Variants in SIX2 observed in about 807,000 individuals in gnomAD.
SIX2 encodes SIX homeobox 2.
A neutral mutation model predicts 22.8 loss-of-function variants in SIX2; 20 were observed. The ratio of observed to expected loss-of-function variants is 0.88; its 90% CI spans 0.62 to 1.28. SIX2 has a LOEUF of 1.28. Ranked by LOEUF, SIX2 falls within the 50% of genes most tolerant of loss-of-function variation. SIX2 has a pLI of 0.00. For synonymous variants in SIX2, 195 were observed against 186.4 expected, an observed-to-expected ratio of 1.05 and a Z score of -0.37; for missense variants, 360 against 400.0, an observed-to-expected ratio of 0.90 and a Z score of 0.85.
At position 45,006,280 on chromosome 2, in the gene SIX2, G is replaced by C; in HGVS notation, c.766C>G (p.Pro256Ala). The change falls in exon 2 of 2, where the codon CCA becomes GCA. Residue 256 changes from proline (P) to alanine (A), a missense_variant. Pro to Ala is a conservative substitution (Grantham distance 27). Transcript: ENST00000303077. This position sits in a 1 kb window ranked among gnomAD's most constrained non-coding sequence, Gnocchi z 4.2. Reference protein sequence around the residue: ...LGHPPGPSAVPVPVPGGGGAD... With the variant: ...LGHPPGPSAVAVPVPGGGGAD... ...CCACCTCCGCCTGGCACCGGCACTG[G>C]CACTGCGCTGGGGCCCGGAGGGTGG... The C allele has an allele frequency of 1.2e-6, 2 of 1,614,138 alleles. No individual in the cohort carries two copies. Among genetic ancestry groups the C allele is most frequent in the South Asian group, 1.1e-5 (1 of 91,086 alleles).
At position 45,008,739 on chromosome 2, in the gene SIX2, G is replaced by T. The variant is rs554460571; in HGVS notation, c.372C>A (p.Gly124=). The T allele has an allele frequency of 3.1e-6, 5 of 1,614,014 alleles. No homozygotes were observed. In the African/African-American group the frequency reaches 6.7e-5, roughly 21 times the overall value. ...KFPLPRSIWD[G]EETSYCFKEK... ...CCTTGAAGCAGTAGCTGGTCTCCTC[G>T]CCGTCCCAGATGGAGCGCGGCAGCG... Residue 124 remains glycine, a synonymous_variant, in exon 1 of 2, where the codon GGC becomes GGA. Coordinates refer to ENST00000303077, the MANE Select transcript of SIX2 (RefSeq NM_016932.5).
rs1667753021 is a variant in SIX2, at chr2:45,006,242, C to G, written c.804G>C (p.Leu268=). The G allele has an allele frequency of 5.0e-6, 8 of 1,614,232 alleles. No individual in the cohort carries two copies. Among genetic ancestry groups the G allele is most frequent in the Non-Finnish European group, 6.8e-6 (8 of 1,180,032 alleles). Residue 268 remains leucine, a synonymous_variant, in exon 2 of 2, where the codon CTG becomes CTC. Transcript: ENST00000303077. This position sits in a 1 kb window ranked among gnomAD's most constrained non-coding sequence, Gnocchi z 4.2. ...PVPGGGGADP[L]QHHHGLQDSI... ...AGTCCTGCAGGCCATGGTGGTGTTG[C>G]AGTGGGTCCGCTCCACCTCCGCCTG...
Position 45,006,617 on chromosome 2 carries a change from G to A in SIX2, c.561-132C>T, listed in dbSNP as rs1393396300. On this transcript the variant is annotated intron_variant, in intron 1 of 1. Transcript: ENST00000303077. This position sits in a 1 kb window ranked among gnomAD's most constrained non-coding sequence, Gnocchi z 4.2. ...GGGCTTGTGGCCTGCGGGTGTTTTCGGTTTCTACCATTTCCTCGACCTGGT... is the reference window on the plus strand; with the variant it reads ...GGGCTTGTGGCCTGCGGGTGTTTTCAGTTTCTACCATTTCCTCGACCTGGT... 3 of 865,296 alleles carry A rather than the reference G, an allele frequency of 3.5e-6. No homozygotes were observed. Among genetic ancestry groups the A allele is most frequent in the Admixed American group, 1.9e-5 (1 of 53,820 alleles). 53.6% of individuals were successfully genotyped at this position (865,296 alleles called of 1,614,324 possible).
At position 45,006,447 on chromosome 2, in the gene SIX2, G is replaced by C. The variant is rs768678682; in HGVS notation, c.599C>G (p.Pro200Arg). Residue 200 changes from proline (P) to arginine (R), a missense_variant, in exon 2 of 2, where the codon CCG (proline) becomes CGG (arginine). By Grantham distance (103) the Pro-to-Arg change is moderately radical. Around this residue, in one of 3 missense-constraint regions of SIX2, gnomAD observed 235 missense variants for 231.9 expected, o/e 1.01. Transcript: ENST00000303077. This position sits in a 1 kb window ranked among gnomAD's most constrained non-coding sequence, Gnocchi z 4.2. Reference protein sequence around the residue: ...NENSNSNSHNPLNGSGKSVLG... With the variant: ...NENSNSNSHNRLNGSGKSVLG... ...CACCGACTTGCCGCTGCCATTCAGC[G>C]GGTTGTGGCTGTTAGAATTGGAGTT... 8 of 1,613,954 alleles carry C rather than the reference G, an allele frequency of 5.0e-6. No individual in the cohort carries two copies. In the East Asian group the frequency reaches 1.8e-4, roughly 36 times the overall value.
In SIX2 at chr2:45,006,033, C is replaced by T; in HGVS notation, c.*137G>A. 2 of 892,374 alleles carry T rather than the reference C, an allele frequency of 2.2e-6. No individual in the cohort carries two copies. Among genetic ancestry groups the T allele is most frequent in the Non-Finnish European group, 3.8e-6 (2 of 526,290 alleles). 55.3% of individuals were successfully genotyped at this position (892,374 alleles called of 1,614,324 possible). Reference sequence around the variant, plus strand: ...CCAACATAGACAGCTATCTGCCCTACCCGGCTGTTCTACCCGCTCAGCCTG... The same window carrying T: ...CCAACATAGACAGCTATCTGCCCTATCCGGCTGTTCTACCCGCTCAGCCTG... On this transcript the variant is annotated 3_prime_UTR_variant, in exon 2 of 2. Transcript: ENST00000303077. The surrounding 1 kb of genome is among the most constrained non-coding windows in gnomAD (Gnocchi z 4.2).
rs1312147103 is a variant in SIX2, at chr2:45,006,660, C to T, written c.561-175G>A. ...GACCTGGTCTGGGTTCTCCTTTCTG[C>T]CCGTTCTCTCCATCTCTCAACACCC... On this transcript the variant is annotated intron_variant, in intron 1 of 1. Transcript: ENST00000303077. This position sits in a 1 kb window ranked among gnomAD's most constrained non-coding sequence, Gnocchi z 4.2. Among the ~76,000 whole-genome samples the T allele has an allele frequency of 6.6e-6, 1 of 152,166 alleles. No homozygotes were observed. The highest frequency in any genetic ancestry group is 1.5e-5 in the Non-Finnish European group (1 of 68,034).
chr2:45,008,448 T>A, intron 1 of SIX2, 103 bp downstream of exon 1: 1 of 1,286,758 alleles, frequency 7.8e-7, no homozygotes, highest in Admixed American at 1.7e-5. Context: ...TGGCCGGGCC[T>A]GGGGGCCCAG....
In SIX2 at chr2:45,009,393, C is replaced by G. The variant is rs1318887551; in HGVS notation, c.-283G>C. The G allele has an allele frequency of 6.0e-6, 1 of 166,096 alleles. No individual in the cohort carries two copies. The allele number at this position is 166,096 out of a possible 1,614,324, so 10.3% of individuals were successfully genotyped here. ...CTCCGCATGCTCCGCGCCCGCCCGC[C>G]GTTCCCTCGCTCGCTTCTCACTCGT... On this transcript the variant is annotated 5_prime_UTR_variant, in exon 1 of 2. Transcript: ENST00000303077.
chr2:45,009,139 G>A lies in SIX2; in HGVS notation c.-29C>T, dbSNP rs969590576. ...GCCGGCTGCGTCCCCGCCCGCCCGC[G>A]CGCGCCCTCACCGGGCCGCGCGGTC... On this transcript the variant is annotated 5_prime_UTR_variant, in exon 1 of 2. Transcript: ENST00000303077. 17 of 1,515,956 alleles carry A rather than the reference G, an allele frequency of 1.1e-5. No homozygotes were observed. In the African/African-American group the frequency reaches 2.3e-4, roughly 20 times the overall value. 93.9% of individuals were successfully genotyped at this position (1,515,956 alleles called of 1,614,324 possible).
Position 45,009,164 on chromosome 2 carries a change from C to G in SIX2, c.-54G>C. 1 of 1,431,070 alleles carries G rather than the reference C, an allele frequency of 7.0e-7. No homozygotes were observed. The highest frequency in any genetic ancestry group is 2.7e-5 in the East Asian group (1 of 37,576). The allele number at this position is 1,431,070 out of a possible 1,614,324, so 88.6% of individuals were successfully genotyped here. On this transcript the variant is annotated 5_prime_UTR_variant, in exon 1 of 2. Coordinates refer to ENST00000303077, the MANE Select transcript of SIX2 (RefSeq NM_016932.5). The stretch of plus-strand genomic sequence containing the variant: ...GCGCGCCCTCACCGGGCCGCGCGGT[C>G]CCGCATGGGAGCTTCCTCGCCGGGC...
chr2:45,005,465 A>T lies in SIX2; in HGVS notation c.*705T>A, dbSNP rs1667733348. On this transcript the variant is annotated 3_prime_UTR_variant, in exon 2 of 2. Coordinates refer to ENST00000303077, the MANE Select transcript of SIX2 (RefSeq NM_016932.5). ...CTCTCTCACTTAAGTTACTAGACGA[A>T]AAGCTGACACCTGCAGCTCCCACTG... 1 of 152,728 alleles carries T rather than the reference A, an allele frequency of 6.5e-6. No individual in the cohort carries two copies. Among genetic ancestry groups the T allele is most frequent in the African/African-American group, 2.4e-5 (1 of 41,436 alleles). The allele number at this position is 152,728 out of a possible 1,614,324, so 9.5% of individuals were successfully genotyped here.
intron 1 of SIX2, among the ~76,000 whole-genome samples, chr2:45,007,403 G>T (rs530303798): frequency 6.6e-4 from 100 of 152,202 alleles, no homozygotes; most frequent in Admixed American, 1.6e-3. Context: ...TAAAATCCTG[G>T]GTAGGATCTC....
rs200344733 is a variant in SIX2, at chr2:45,006,481, T to C, written c.565A>G (p.Asn189Asp). ...DRAAEAKERE[N>D]NENSNSNSHN... The stretch of plus-strand genomic sequence containing the variant: ...CTGTTAGAATTGGAGTTCTCGTTGT[T>C]CTCCCTGCAAGTGCGGGAGCAAAGC... Residue 189 changes from asparagine (N) to aspartate (D), a missense_variant, in exon 2 of 2, where the codon AAC becomes GAC. Coordinates refer to ENST00000303077, the MANE Select transcript of SIX2 (RefSeq NM_016932.5). This position sits in a 1 kb window ranked among gnomAD's most constrained non-coding sequence, Gnocchi z 4.2. 2 of 1,613,020 alleles carry C rather than the reference T, an allele frequency of 1.2e-6. No homozygotes were observed. Among genetic ancestry groups the C allele is most frequent in the Non-Finnish European group, 1.7e-6 (2 of 1,179,990 alleles).
Position 45,006,386 on chromosome 2 carries a change from C to A in SIX2, c.660G>T (p.Gly220=). The A allele has an allele frequency of 1.2e-6, 2 of 1,614,218 alleles. No homozygotes were observed. The highest frequency in any genetic ancestry group is 2.7e-5 in the African/African-American group (2 of 75,070). ...GSSEDEKTPS[G]TPDHSSSSPA... is the part of the protein sequence containing the mutation. ...GGCTGGATGATGAGTGGTCTGGCGTCCCCGATGGAGTCTTCTCATCCTCCG... is the reference window on the plus strand; with the variant it reads ...GGCTGGATGATGAGTGGTCTGGCGTACCCGATGGAGTCTTCTCATCCTCCG... Residue 220 remains glycine, a synonymous_variant, in exon 2 of 2, where the codon GGG becomes GGT. Transcript: ENST00000303077. The surrounding 1 kb of genome is among the most constrained non-coding windows in gnomAD (Gnocchi z 4.2).
chr2:45,008,869 G>T lies in SIX2; in HGVS notation c.242C>A (p.Ala81Asp). The change falls in exon 1 of 2, where the codon GCC (alanine) becomes GAC (aspartate). Residue 81 changes from alanine (A) to aspartate (D), a missense_variant. By Grantham distance (126) the Ala-to-Asp change is moderately radical. Transcript: ENST00000303077. Reference protein sequence around the residue: ...ESHQFSPHNHAKLQQLWLKAH... With the variant: ...ESHQFSPHNHDKLQQLWLKAH... ...CTTGAGCCACAGCTGCTGCAGCTTG[G>T]CGTGGTTGTGCGGCGAGAACTGGTG... The T allele has an allele frequency of 6.2e-7, 1 of 1,614,028 alleles. No individual in the cohort carries two copies. Among genetic ancestry groups the T allele is most frequent in the Non-Finnish European group, 8.5e-7 (1 of 1,179,982 alleles).
intron 1 of SIX2, among the ~76,000 whole-genome samples, chr2:45,008,063 C>T (rs560976354): frequency 6.6e-6 from 1 of 152,354 alleles, no homozygotes; most frequent in South Asian, 2.1e-4. Flanking sequence ...CTGGCTTTTC[C>T]CCATCCAGGT....
Position 45,009,093 on chromosome 2 carries a change from G to A in SIX2, c.18C>T (p.Thr6=), listed in dbSNP as rs761555251. The A allele has an allele frequency of 6.3e-7, 1 of 1,582,964 alleles. No individual in the cohort carries two copies. The highest frequency in any genetic ancestry group is 8.5e-7 in the Non-Finnish European group (1 of 1,171,102). Residue 6 remains threonine (T), a synonymous_variant, in exon 1 of 2, where the codon ACC becomes ACT. Coordinates refer to ENST00000303077, the MANE Select transcript of SIX2 (RefSeq NM_016932.5). ...CCACTTGCTCCTGCGTGAAGCCGAA[G>A]GTGGGCAGCATGGACATGGTGCCGG... MSMLP[T]FGFTQEQVAC...
Position 45,009,033 on chromosome 2 carries a change from G to T in SIX2, c.78C>A (p.Asn26Lys). Residue 26 changes from asparagine to lysine, a missense_variant, in exon 1 of 2, where the codon AAC becomes AAA. Around this residue, in one of 3 missense-constraint regions of SIX2, gnomAD observed 118 missense variants for 135.1 expected, o/e 0.87. Coordinates refer to ENST00000303077, the MANE Select transcript of SIX2 (RefSeq NM_016932.5). ...ACAGGAAGCGGCCCAGCCGCTCGAT[G>T]TTGCCGCCCTGCTGCAGCACCTCGC... ...CVCEVLQQGG[N>K]IERLGRFLWS... The T allele has an allele frequency of 6.2e-7, 1 of 1,609,686 alleles. No individual in the cohort carries two copies. The highest frequency in any genetic ancestry group is 8.5e-7 in the Non-Finnish European group (1 of 1,179,606).
chr2:45,009,128 C>T lies in SIX2; in HGVS notation c.-18G>A, dbSNP rs1667825830. On this transcript the variant is annotated 5_prime_UTR_variant, in exon 1 of 2. Transcript: ENST00000303077. Reference sequence around the variant, plus strand: ...ATGGACATGGTGCCGGCTGCGTCCCCGCCCGCCCGCGCGCGCCCTCACCGG... The same window carrying T: ...ATGGACATGGTGCCGGCTGCGTCCCTGCCCGCCCGCGCGCGCCCTCACCGG... 2 of 1,530,590 alleles carry T rather than the reference C, an allele frequency of 1.3e-6. No individual in the cohort carries two copies. Among genetic ancestry groups the T allele is most frequent in the African/African-American group, 1.4e-5 (1 of 72,754 alleles). 94.8% of individuals were successfully genotyped at this position (1,530,590 alleles called of 1,614,324 possible).
Sources: allele counts gnomAD v4.1 joint callset (sites outside exome capture counted in the v4.1 genomes callset), GRCh38; gene constraint gnomAD v4.1.1; regional missense constraint gnomAD v4.1.1; non-coding constraint Gnocchi (gnomAD v3.1); transcripts MANE v1.5; gene names NCBI Gene and HGNC (gene_info 2026-07-23, HGNC 2026-07-21).